Variants in MARCHF5 observed in about 807,000 individuals in gnomAD.
MARCHF5 encodes the protein E3 ubiquitin-protein ligase MARCHF5.
MARCHF5 carries 5 observed loss-of-function variants against 36.5 expected under a neutral mutation model. The ratio of observed to expected loss-of-function variants is 0.14; its 90% confidence interval spans 0.07 to 0.29. The LOEUF (loss-of-function observed/expected upper bound fraction) is 0.29. Ranked by LOEUF, MARCHF5 falls within the 10% of genes least tolerant of loss-of-function variation. The pLI is 1.00. For missense variants in MARCHF5, 179 were observed against 336.3 expected, an observed-to-expected ratio of 0.53 and a Z score of 3.66; for synonymous variants, 103 against 109.9, an observed-to-expected ratio of 0.94 and a Z score of 0.39.
intron 1 of MARCHF5, among the ~76,000 whole-genome samples, chr10:92,295,311 TTTTC>T (rs201344544): frequency 0.64 from 42,312 of 65,856 alleles, 12,169 homozygotes; most frequent in South Asian, 0.8. Flanking sequence ...TAGAGGCAAC[TTTTC>T]TTTTTTTTTT....
intron 2 of MARCHF5, among the ~76,000 whole-genome samples, chr10:92,332,897 G>A (rs1843454096): frequency 6.8e-6 from 1 of 147,168 alleles, no homozygotes; most frequent in Admixed American, 6.7e-5. Context: ...GGGTGCGGTG[G>A]CTCACGCCTG....
chr10:92,312,830 G>A (rs1564945640), intron 2 of MARCHF5, among the ~76,000 whole-genome samples: 1 of 152,220 alleles, frequency 6.6e-6, no homozygotes, highest in Non-Finnish European at 1.5e-5. Context: ...TTTAATTTTG[G>A]AGATGGCAAT....
At chr10:92,303,519 T>C (rs1843040607) in intron 1 of MARCHF5, among the ~76,000 whole-genome samples, 1 of 152,152 alleles carries the variant, frequency 6.6e-6, no homozygotes. Flanking sequence ...TAATGCTTGG[T>C]ATAGTGGTTT....
chr10:92,313,998 GCCTAGGCAACATAGCAAAA>G (rs1843177303), intron 2 of MARCHF5, among the ~76,000 whole-genome samples: 1 of 152,050 alleles, frequency 6.6e-6, no homozygotes, highest in South Asian at 2.1e-4. Context: ...GTCAGGATCA[GCCTAGGCAACATAGCAAAA>G]CCTTGTCTCT....
chr10:92,313,798 T>G (rs1024792018), intron 2 of MARCHF5, among the ~76,000 whole-genome samples: 1 of 151,776 alleles, frequency 6.6e-6, no homozygotes, highest in Non-Finnish European at 1.5e-5. Flanking sequence ...GAGGCTGAGG[T>G]GGGAGGATTG....
chr10:92,338,505 T>A (rs1034233378), intron 2 of MARCHF5, among the ~76,000 whole-genome samples: 7 of 152,232 alleles, frequency 4.6e-5, no homozygotes, highest in Admixed American at 2.6e-4. Flanking sequence ...TTAGACTTAT[T>A]TCATCTCTCT....
rs185046280 is a variant in MARCHF5 at position 92,294,598 on chromosome 10, A to T, written c.35+3069A>T. The stretch of plus-strand genomic sequence containing the variant: ...TTTTCATGAATTTGGCTTCTCCCCA[A>T]CCTGGTTTTTGGTGGCAATTTTTGA... On this transcript the variant is annotated intron_variant, in intron 1 of 5. Transcript: ENST00000358935. Among the ~76,000 whole-genome samples the T allele has an allele frequency of 2.3e-3, 357 of 152,272 alleles. 4 individuals carry two copies. The highest frequency in any genetic ancestry group is 8.1e-3 in the African/African-American group (336 of 41,540).
At chr10:92,350,079 T>C in intron 5 of MARCHF5, 1 of 434,074 alleles carries the variant, frequency 2.3e-6, no homozygotes, top group South Asian at 3.5e-5. Context: ...GCATGAATCA[T>C]CACACCTGTC....
At chr10:92,297,483 CTTT>C (rs965295861) in intron 1 of MARCHF5, among the ~76,000 whole-genome samples, 1 of 122,960 alleles carries the variant, frequency 8.1e-6, no homozygotes. Flanking sequence ...CAGCTTTCAA[CTTT>C]TTTTTTTTTT....
intron 2 of MARCHF5, among the ~76,000 whole-genome samples, chr10:92,330,135 G>T (rs1843418925): frequency 6.6e-6 from 1 of 152,184 alleles, no homozygotes; most frequent in Non-Finnish European, 1.5e-5. Flanking sequence ...GAGCCACCAT[G>T]CCTGGCCCTT....
In MARCHF5 at chr10:92,311,348, C is replaced by A. The variant is rs1843142018; in HGVS notation, c.238+11C>A. On this transcript the variant is annotated intron_variant, in intron 2 of 5. Coordinates refer to ENST00000358935, the MANE Select transcript of MARCHF5 (RefSeq NM_017824.5). ...TTTTTCCAAAATTGGGTAAGAATAT[C>A]TTTAAAAACAACACAGATATAGTTG... 6.5e-7 allele frequency: 1 copy of A among 1,535,058 alleles called. No individual in the cohort carries two copies.
intron 2 of MARCHF5, among the ~76,000 whole-genome samples, chr10:92,320,566 G>A (rs1843278828): frequency 6.6e-6 from 1 of 151,970 alleles, no homozygotes; most frequent in Admixed American, 6.6e-5. Context: ...TCCTGACCCT[G>A]TGTAGGCCTA....
intron 2 of MARCHF5, among the ~76,000 whole-genome samples, chr10:92,328,872 T>C (rs558064974): frequency 1.3e-5 from 2 of 150,584 alleles, no homozygotes; most frequent in South Asian, 2.1e-4. Flanking sequence ...GTGCTTCTTA[T>C]TGCATCACAT....
intron 2 of MARCHF5, among the ~76,000 whole-genome samples, chr10:92,329,560 A>G (rs1019116810): frequency 1.4e-4 from 22 of 152,202 alleles, no homozygotes; most frequent in Admixed American, 2.0e-4. Flanking sequence ...TGTCACTCAC[A>G]TGAACTCAAC....
chr10:92,316,784 C>G (rs1783675601), intron 2 of MARCHF5, among the ~76,000 whole-genome samples: 2 of 151,810 alleles, frequency 1.3e-5, no homozygotes, highest in South Asian at 4.2e-4. Context: ...CTCAAACTTC[C>G]TGGCCTCAAG....
chr10:92,320,843 A>G (rs1843281618), intron 2 of MARCHF5, among the ~76,000 whole-genome samples: 1 of 152,096 alleles, frequency 6.6e-6, no homozygotes, highest in African/African-American at 2.4e-5. Context: ...TATAAAGTCT[A>G]TAATAGTGTA....
intron 1 of MARCHF5, among the ~76,000 whole-genome samples, chr10:92,292,753 T>C (rs780496509): frequency 1.6e-4 from 24 of 152,372 alleles, no homozygotes; most frequent in Non-Finnish European, 3.2e-4. Flanking sequence ...GTGTGTGATA[T>C]GTGTGTGGTT....
chr10:92,305,525 T>G (rs923507684), intron 1 of MARCHF5, among the ~76,000 whole-genome samples: 1 of 152,160 alleles, frequency 6.6e-6, no homozygotes, highest in African/African-American at 2.4e-5. Context: ...TGAAACAAAG[T>G]GCTGGGTACC....
In MARCHF5 at chr10:92,306,875, G is replaced by A. The variant is rs910834428; in HGVS notation, c.36-4260G>A. Among the ~76,000 whole-genome samples the A allele has an allele frequency of 3.3e-5, 5 of 152,128 alleles. 1 individual carries two copies. The highest frequency in any genetic ancestry group is 4.1e-4 in the South Asian group (2 of 4,828). On this transcript the variant is annotated intron_variant, in intron 1 of 5. Transcript: ENST00000358935. ...CTAAAAATACAAAAATGAGCCAGGC[G>A]TGGTGGTGGATGCCTGTAGTCCCAG... is the stretch of plus-strand genomic sequence containing the variant.
Sources: gnomAD v4.1 joint callset for allele counts (sites outside exome capture counted in the v4.1 genomes callset) on GRCh38, gnomAD v4.1.1 for gene constraint, MANE v1.5 for transcripts, NCBI Gene and HGNC (gene_info 2026-07-23, HGNC 2026-07-21) for gene names.